Variants in MNAT1 observed in about 807,000 individuals in gnomAD.
MNAT1 encodes the protein MNAT1 component of CDK activating kinase, also known as CDK-activating kinase assembly factor MAT1.
Under a neutral mutation model 42.0 loss-of-function variants are expected in MNAT1, and 43 were observed. The ratio of observed to expected loss-of-function variants is 1.02; its 90% CI spans 0.80 to 1.32. MNAT1 has a LOEUF of 1.32. MNAT1 is among the 40% of genes most tolerant of loss of function. The pLI is 0.00. For synonymous variants in MNAT1, 118 were observed against 120.0 expected (o/e 0.98, Z 0.11); for missense variants, 306 against 350.4 (o/e 0.87, Z 1.01).
At chr14:60,846,699 T>C (rs2033691560) in intron 6 of MNAT1, among the ~76,000 whole-genome samples, 1 of 152,212 alleles carries the variant, frequency 6.6e-6, no homozygotes, top group Non-Finnish European at 1.5e-5. Context: ...AATTCCACTT[T>C]GGTTTGAGGG....
rs141926435 is a variant in MNAT1, at chr14:60,835,397, T to G, written c.687+16550T>G. 1.1e-3 allele frequency among the ~76,000 whole-genome samples: 168 copies of G among 152,336 alleles called. No individual in the cohort carries two copies. The East Asian group carries it at 0.023, about 21-fold the overall frequency. The stretch of plus-strand genomic sequence containing the variant: ...CCTGTACCAGTGTTTTCTTTCCATA[T>G]TTAGTGCTTCCTTCAGGAGCTCTTG... On this transcript the variant is annotated intron_variant, in intron 6 of 7. Transcript: ENST00000261245.
In MNAT1 at chr14:60,852,904, T is replaced by C. The variant is rs58286115; in HGVS notation, c.688-26810T>C. Reference sequence around the variant, plus strand: ...GTCTCTGTTGTGTTCCATTGGTCTATATATCTGTTTTGTTAACAGTATCAT... The same window carrying C: ...GTCTCTGTTGTGTTCCATTGGTCTACATATCTGTTTTGTTAACAGTATCAT... On this transcript the variant is annotated intron_variant, in intron 6 of 7. Transcript: ENST00000261245. Among the ~76,000 whole-genome samples, 917 of 152,352 alleles carry C rather than the reference T, an allele frequency of 6.0e-3. 6 individuals carry two copies. The highest frequency in any genetic ancestry group is 0.02 in the African/African-American group (847 of 41,572).
intron 6 of MNAT1, among the ~76,000 whole-genome samples, chr14:60,862,006 A>G (rs550636411): frequency 9.2e-5 from 14 of 152,248 alleles, no homozygotes; most frequent in Non-Finnish European, 1.3e-4. Flanking sequence ...GGAATGCCCG[A>G]ATTACAATTG....
chr14:60,762,765 T>TC (rs1352167976), intron 1 of MNAT1, among the ~76,000 whole-genome samples: 1 of 151,898 alleles, frequency 6.6e-6, no homozygotes. Flanking sequence ...TCTTTTTTTT[T>TC]CCTTCCCTTA....
intron 7 of MNAT1, among the ~76,000 whole-genome samples, chr14:60,932,985 C>A (rs965104900): frequency 1.3e-5 from 2 of 151,910 alleles, no homozygotes; most frequent in Admixed American, 6.6e-5. Context: ...AATTATATTG[C>A]CTGAGTTCAA....
intron 7 of MNAT1, among the ~76,000 whole-genome samples, chr14:60,956,021 G>T (rs1398165811): frequency 6.6e-6 from 1 of 151,154 alleles, no homozygotes; most frequent in Admixed American, 6.6e-5. Context: ...TTTCTACTCT[G>T]ATCTTTATTT....
intron 1 of MNAT1, among the ~76,000 whole-genome samples, chr14:60,758,376 A>G (rs1038331743): frequency 2.6e-5 from 4 of 151,776 alleles, no homozygotes; most frequent in Non-Finnish European, 5.9e-5. Flanking sequence ...TGGCTAATTT[A>G]TCTTTTTGTA....
At chr14:60,936,480 G>A (rs1190426471) in intron 7 of MNAT1, among the ~76,000 whole-genome samples, 1 of 149,398 alleles carries the variant, frequency 6.7e-6, no homozygotes, top group Non-Finnish European at 1.5e-5. Flanking sequence ...GCGGTGTTTG[G>A]TTTTTTGTCC....
intron 7 of MNAT1, among the ~76,000 whole-genome samples, chr14:60,925,464 G>T (rs2035747449): frequency 6.6e-6 from 1 of 152,106 alleles, no homozygotes; most frequent in African/African-American, 2.4e-5. Context: ...AGAGAGTGCT[G>T]TACAGGATGT....
intron 6 of MNAT1, among the ~76,000 whole-genome samples, chr14:60,847,940 G>A (rs1261423223): frequency 1.3e-5 from 2 of 151,692 alleles, no homozygotes; most frequent in Non-Finnish European, 2.9e-5. Context: ...TTTTTTTGTA[G>A]CTGTTTTGTA....
intron 3 of MNAT1, among the ~76,000 whole-genome samples, chr14:60,803,025 C>T (rs1411168135): frequency 2.0e-5 from 3 of 151,484 alleles, no homozygotes; most frequent in East Asian, 1.9e-4. Flanking sequence ...CTCCGCCTCC[C>T]GGGTTTAAGC....
intron 7 of MNAT1, among the ~76,000 whole-genome samples, chr14:60,955,210 T>C (rs1594908399): frequency 6.6e-6 from 1 of 152,182 alleles, no homozygotes; most frequent in Non-Finnish European, 1.5e-5. Context: ...ATTAGGGTAA[T>C]GCAGGCCTCA....
At chr14:60,856,371 ACT>A (rs4151266) in intron 6 of MNAT1, among the ~76,000 whole-genome samples, 1,965 of 152,264 alleles carry the variant, frequency 0.013, 43 homozygotes, top group African/African-American at 0.045. Flanking sequence ...GTAATCCCTA[ACT>A]CTCTTCAGTC....
intron 7 of MNAT1, among the ~76,000 whole-genome samples, chr14:60,881,742 A>T (rs1018611042): frequency 1.3e-5 from 2 of 152,186 alleles, no homozygotes; most frequent in African/African-American, 4.8e-5. Context: ...ATTAAGGTAG[A>T]TGGTATATCC....
chr14:60,941,579 G>A (rs546254883), intron 7 of MNAT1, among the ~76,000 whole-genome samples: 67 of 151,918 alleles, frequency 4.4e-4, no homozygotes, highest in African/African-American at 1.5e-3. Context: ...GGTGGTATGC[G>A]CCTATAGTCC....
intron 1 of MNAT1, among the ~76,000 whole-genome samples, chr14:60,735,195 C>G (rs1039608996): frequency 1.3e-5 from 2 of 152,170 alleles, no homozygotes; most frequent in African/African-American, 4.8e-5. Flanking sequence ...GTTCCCCCTT[C>G]CATAGCCAAT....
intron 7 of MNAT1, among the ~76,000 whole-genome samples, chr14:60,908,658 C>CT (rs1248047524): frequency 2.0e-5 from 3 of 152,098 alleles, no homozygotes; most frequent in Non-Finnish European, 4.4e-5. Context: ...GAACTCATCA[C>CT]TTTTTATGGC....
chr14:60,848,065 G>A lies in MNAT1; in HGVS notation c.687+29218G>A, dbSNP rs113755053. Among the ~76,000 whole-genome samples the A allele has an allele frequency of 4.7e-4, 72 of 152,120 alleles. 1 individual carries two copies. Among genetic ancestry groups the A allele is most frequent in the African/African-American group, 1.7e-3 (69 of 41,526 alleles). ...TTGTGAGAATTTGAGTTACTGCTTG[G>A]TATCATTTCCTTTTAGCCTGCAGGA... On this transcript the variant is annotated intron_variant, in intron 6 of 7. Coordinates refer to ENST00000261245, the MANE Select transcript of MNAT1 (RefSeq NM_002431.4).
chr14:60,799,779 G>A (rs2032143723), intron 3 of MNAT1, among the ~76,000 whole-genome samples: 1 of 151,752 alleles, frequency 6.6e-6, no homozygotes, highest in African/African-American at 2.4e-5. Context: ...GTAATTTGAA[G>A]GTGTGGACAA....
Sources: gnomAD v4.1 joint callset for allele counts (sites outside exome capture counted in the v4.1 genomes callset) on GRCh38, gnomAD v4.1.1 for gene constraint, MANE v1.5 for transcripts, NCBI Gene and HGNC (gene_info 2026-07-23, HGNC 2026-07-21) for gene names.